Variants in SOX5 observed in about 807,000 individuals in gnomAD.
The protein encoded by SOX5 is SRY-box transcription factor 5.
In SOX5, 9 loss-of-function variants were observed where a neutral mutation model predicts 92.0. That is an observed-to-expected ratio of 0.10 (90% CI 0.06 to 0.17). The LOEUF (loss-of-function observed/expected upper bound fraction) is 0.17. Among genes scored for constraint, SOX5 ranks in the 10% least tolerant of loss-of-function variants. The pLI, the probability that SOX5 is intolerant of heterozygous loss-of-function variation, is 1.00. For missense variants in SOX5, 642 were observed against 944.5 expected (o/e 0.68, Z 4.20); for synonymous variants, 344 against 336.3 (o/e 1.02, Z -0.25).
chr12:24,423,150 C>A (rs1279291661), intron 1 of SOX5, among the ~76,000 whole-genome samples: 1 of 152,174 alleles, frequency 6.6e-6, no homozygotes, highest in Non-Finnish European at 1.5e-5. Context: ...TCTAAGACTT[C>A]CCTACTAAAC....
At chr12:24,264,419 T>C (rs1942716706) in intron 3 of SOX5, among the ~76,000 whole-genome samples, 1 of 152,190 alleles carries the variant, frequency 6.6e-6, no homozygotes. Context: ...GTATGAAGTT[T>C]AAAAATAGAA....
At chr12:23,769,307 G>A (rs1228484186) in intron 3 of SOX5, among the ~76,000 whole-genome samples, 2 of 151,442 alleles carry the variant, frequency 1.3e-5, no homozygotes, top group African/African-American at 2.4e-5. Flanking sequence ...TGTTGTTGAC[G>A]TGACATATAA....
chr12:24,128,453 G>A (rs111678755), intron 4 of SOX5, among the ~76,000 whole-genome samples: 2 of 152,236 alleles, frequency 1.3e-5, no homozygotes, highest in African/African-American at 4.8e-5. Flanking sequence ...AAACAAACAT[G>A]GTGAAATGCT....
chr12:23,629,972 G>T (rs1275893938), intron 8 of SOX5, among the ~76,000 whole-genome samples: 1 of 151,826 alleles, frequency 6.6e-6, no homozygotes, highest in Non-Finnish European at 1.5e-5. Context: ...CTCAATTCAA[G>T]AAATAATTTT....
intron 1 of SOX5, among the ~76,000 whole-genome samples, chr12:23,908,562 C>G (rs549994610): frequency 6.6e-6 from 1 of 151,830 alleles, no homozygotes; most frequent in East Asian, 1.9e-4. Flanking sequence ...TCAAAATAGA[C>G]AGCAAGGAAC....
intron 1 of SOX5, among the ~76,000 whole-genome samples, chr12:24,396,368 T>G (rs1433046438): frequency 6.6e-6 from 1 of 152,224 alleles, no homozygotes; most frequent in Non-Finnish European, 1.5e-5. Flanking sequence ...TCAGTGTGAC[T>G]GGAGCACACA....
intron 1 of SOX5, among the ~76,000 whole-genome samples, chr12:23,913,741 G>GAAAAAAAAA (rs765548695): frequency 1.7e-5 from 1 of 58,062 alleles, no homozygotes. Context: ...TGTCTCAGAA[G>GAAAAAAAAA]AAAAAAAAAA....
At chr12:23,981,902 A>G (rs557813815) in intron 4 of SOX5, among the ~76,000 whole-genome samples, 1 of 152,192 alleles carries the variant, frequency 6.6e-6, no homozygotes, top group Non-Finnish European at 1.5e-5. Flanking sequence ...TTACACACTG[A>G]TATGTGAAAA....
chr12:23,687,038 TG>T (rs915770572), intron 6 of SOX5, among the ~76,000 whole-genome samples: 2 of 152,096 alleles, frequency 1.3e-5, no homozygotes, highest in Non-Finnish European at 2.9e-5. Flanking sequence ...TTTTACTATT[TG>T]GCATAGGGTT....
rs1218169146 is a variant in SOX5 at position 23,536,638 on chromosome 12, C to T, written c.1803G>A (p.Glu601=). The change falls in exon 14 of 15, where the codon GAG becomes GAA. Residue 601 remains glutamate, a synonymous_variant. Transcript: ENST00000451604. ...GSRWKAMTNL[E]KQPYYEEQAR... is the part of the protein sequence containing the mutation. The stretch of plus-strand genomic sequence containing the variant: ...CTTGCTCCTCATAATATGGCTGTTT[C>T]TCTAGGTTTGTCATAGCTTTCCAGC... The T allele has an allele frequency of 5.0e-6, 8 of 1,614,054 alleles. No homozygotes were observed. The highest frequency in any genetic ancestry group is 6.8e-6 in the Non-Finnish European group (8 of 1,179,954).
intron 4 of SOX5, among the ~76,000 whole-genome samples, chr12:24,016,417 C>T (rs1953612897): frequency 6.6e-6 from 1 of 151,980 alleles, no homozygotes; most frequent in South Asian, 2.1e-4. Flanking sequence ...ACTAATGGTC[C>T]CAGGACTTAA....
chr12:24,090,159 T>C (rs1944470640), intron 4 of SOX5, among the ~76,000 whole-genome samples: 1 of 152,208 alleles, frequency 6.6e-6, no homozygotes, highest in African/African-American at 2.4e-5. Context: ...ACTGCATTTT[T>C]ATTAAAAGCC....
At chr12:24,085,210 A>G (rs190138581) in intron 4 of SOX5, among the ~76,000 whole-genome samples, 20 of 152,272 alleles carry the variant, frequency 1.3e-4, no homozygotes, top group Admixed American at 1.0e-3. Flanking sequence ...GGGGCAACAG[A>G]TGCCTTTCAG....
At chr12:24,178,673 C>T (rs541728423) in intron 4 of SOX5, among the ~76,000 whole-genome samples, 1 of 152,274 alleles carries the variant, frequency 6.6e-6, no homozygotes, top group East Asian at 1.9e-4. Flanking sequence ...AAAAAAAAAT[C>T]TTGTTTTCCT....
At chr12:24,354,873 G>C (rs1199645130) in intron 2 of SOX5, among the ~76,000 whole-genome samples, 1 of 152,074 alleles carries the variant, frequency 6.6e-6, no homozygotes, top group African/African-American at 2.4e-5. Flanking sequence ...TGAAATAAGA[G>C]GCCCAATCAA....
At chr12:23,624,778 T>C (rs1163987281) in intron 8 of SOX5, among the ~76,000 whole-genome samples, 1 of 152,148 alleles carries the variant, frequency 6.6e-6, no homozygotes. Context: ...GAATTGTACA[T>C]CCAAAATATA....
chr12:24,280,999 G>C (rs1478739626), intron 2 of SOX5, among the ~76,000 whole-genome samples: 1 of 35,080 alleles, frequency 2.9e-5, no homozygotes, highest in East Asian at 9.4e-4. Context: ...GAGAGAGAGA[G>C]AGAGGAAAGA....
At chr12:24,463,502 C>A (rs1943875861) in intron 1 of SOX5, among the ~76,000 whole-genome samples, 1 of 152,120 alleles carries the variant, frequency 6.6e-6, no homozygotes, top group Middle Eastern at 3.2e-3. Context: ...GTTTGACAGC[C>A]CAGTTTTAAA....
intron 6 of SOX5, among the ~76,000 whole-genome samples, chr12:23,716,833 C>T (rs1182582336): frequency 6.6e-6 from 1 of 152,176 alleles, no homozygotes; most frequent in Non-Finnish European, 1.5e-5. Context: ...GTAAAGTCTG[C>T]TGTTTCTAAA....
Sources: gnomAD v4.1 joint callset for allele counts (sites outside exome capture counted in the v4.1 genomes callset) on GRCh38, gnomAD v4.1.1 for gene constraint, MANE v1.5 for transcripts, NCBI Gene and HGNC (gene_info 2026-07-23, HGNC 2026-07-21) for gene names.